Variants in CTNNA3 observed in about 807,000 individuals in gnomAD.
The protein encoded by CTNNA3 is catenin alpha 3, also known as catenin alpha-3.
CTNNA3 carries 76 observed loss-of-function variants against 95.7 expected under a neutral mutation model. The ratio of observed to expected loss-of-function variants is 0.79; its 90% CI spans 0.66 to 0.96. The LOEUF (loss-of-function observed/expected upper bound fraction) is 0.96. Among genes scored for constraint, CTNNA3 ranks in the 40% least tolerant of loss-of-function variants. CTNNA3 has a pLI of 0.00. For synonymous variants in CTNNA3, 431 were observed against 374.4 expected (o/e 1.15, Z -1.74); for missense variants, 1,191 against 1,089.8 (o/e 1.09, Z -1.31).
chr10:67,709,087 A>C (rs1235918512), intron 1 of CTNNA3, among the ~76,000 whole-genome samples: 1 of 152,144 alleles, frequency 6.6e-6, no homozygotes, highest in African/African-American at 2.4e-5. Context: ...GCACAGAATC[A>C]CTATGAATGT....
intron 15 of CTNNA3, among the ~76,000 whole-genome samples, chr10:65,990,068 G>T (rs1449996344): frequency 0.012 from 6 of 498 alleles, no homozygotes; most frequent in East Asian, 0.045. Context: ...GTTTCATTTT[G>T]TGTGTAGTGT....
At chr10:67,552,045 T>G (rs963644504) in intron 3 of CTNNA3, among the ~76,000 whole-genome samples, 1 of 152,198 alleles carries the variant, frequency 6.6e-6, no homozygotes, top group Non-Finnish European at 1.5e-5. Flanking sequence ...CAGTATAGAC[T>G]GAATATTTGA....
intron 7 of CTNNA3, among the ~76,000 whole-genome samples, chr10:66,819,167 G>A (rs919247502): frequency 3.3e-5 from 5 of 151,152 alleles, no homozygotes; most frequent in African/African-American, 1.2e-4. Flanking sequence ...GAATAGACTG[G>A]AGAGTCCAAA....
chr10:65,971,795 T>G (rs943839221), intron 16 of CTNNA3, among the ~76,000 whole-genome samples: 1 of 152,048 alleles, frequency 6.6e-6, no homozygotes, highest in African/African-American at 2.4e-5. Flanking sequence ...GAGAGACTCC[T>G]CTTTAGCTCA....
At chr10:66,828,306 A>C (rs1456800255) in intron 7 of CTNNA3, among the ~76,000 whole-genome samples, 1 of 152,222 alleles carries the variant, frequency 6.6e-6, no homozygotes, top group Non-Finnish European at 1.5e-5. Context: ...AAAAATCAGA[A>C]GCCAGACTAA....
At chr10:66,632,266 G>T (rs181624088) in intron 9 of CTNNA3, among the ~76,000 whole-genome samples, 163 of 151,994 alleles carry the variant, frequency 1.1e-3, no homozygotes, top group African/African-American at 3.6e-3. Flanking sequence ...ATAAAAATGG[G>T]GAATGGGCTG....
At chr10:66,428,801 G>C (rs1039350149) in intron 11 of CTNNA3, among the ~76,000 whole-genome samples, 38 of 151,922 alleles carry the variant, frequency 2.5e-4, no homozygotes, top group Middle Eastern at 3.4e-3. Flanking sequence ...AGAGAAAGCA[G>C]GAAAGATCCA....
In CTNNA3 at chr10:67,180,456, C is replaced by A; in HGVS notation, c.908G>T (p.Arg303Leu). 1 of 1,613,728 alleles carries A rather than the reference C, an allele frequency of 6.2e-7. No homozygotes were observed. The highest frequency in any genetic ancestry group is 8.5e-7 in the Non-Finnish European group (1 of 1,179,852). ...EEEIRPSLEK[R>L]LEAIISGAAL... ...AGCCCCACTGATAATGGCTTCAAGGCGTTTCTCTAGTGATGGTCGTATTTC... is the reference window on the plus strand; with the variant it reads ...AGCCCCACTGATAATGGCTTCAAGGAGTTTCTCTAGTGATGGTCGTATTTC... The change falls in exon 7 of 18, where the codon CGC becomes CTC. Residue 303 changes from arginine to leucine, a missense_variant. Coordinates refer to ENST00000433211, the MANE Select transcript of CTNNA3 (RefSeq NM_013266.4).
intron 1 of CTNNA3, among the ~76,000 whole-genome samples, chr10:67,665,305 T>A (rs989216358): frequency 1.4e-4 from 21 of 152,218 alleles, no homozygotes; most frequent in Non-Finnish European, 2.9e-4. Context: ...CTCGGAAAAG[T>A]AGACATTTAA....
intron 1 of CTNNA3, among the ~76,000 whole-genome samples, chr10:67,654,635 GCAC>G (rs1839970809): frequency 6.6e-6 from 1 of 151,888 alleles, no homozygotes; most frequent in Non-Finnish European, 1.5e-5. Context: ...CCACAGGCGC[GCAC>G]CACCACACCT....
intron 7 of CTNNA3, among the ~76,000 whole-genome samples, chr10:67,111,324 C>A (rs1167759588): frequency 6.6e-6 from 1 of 152,084 alleles, no homozygotes; most frequent in Admixed American, 6.5e-5. Context: ...CAGTGCCAGA[C>A]CTGACAACCA....
At chr10:67,376,769 T>C (rs1843708582) in intron 5 of CTNNA3, among the ~76,000 whole-genome samples, 1 of 152,190 alleles carries the variant, frequency 6.6e-6, no homozygotes, top group Admixed American at 6.5e-5. Flanking sequence ...TGAAAAATCT[T>C]GGAAACCCTC....
intron 6 of CTNNA3, among the ~76,000 whole-genome samples, chr10:67,206,565 A>AAGGAAGAAAAGAGGGAGGG (rs928992490): frequency 3.3e-5 from 5 of 152,184 alleles, no homozygotes; most frequent in Admixed American, 6.5e-5. Context: ...GAAGAAGGGA[A>AAGGAAGAAAAGAGGGAGGG]AGGAAGAAAA....
At chr10:66,950,049 T>C (rs1372189324) in intron 7 of CTNNA3, among the ~76,000 whole-genome samples, 1 of 152,152 alleles carries the variant, frequency 6.6e-6, no homozygotes, top group Non-Finnish European at 1.5e-5. Flanking sequence ...TTAATACCAA[T>C]ATGCTCCAAC....
rs1226146031 is a variant in CTNNA3, at chr10:66,425,901, C to A, written c.1532-46549G>T. Among the ~76,000 whole-genome samples the A allele has an allele frequency of 5.3e-5, 8 of 152,066 alleles. No homozygotes were observed. The South Asian group carries it at 1.7e-3, about 31-fold the overall frequency. ...CTCCTTCGTTCCCCATACAGACCCA[C>A]TGCTCTTTTTCCAAGGATGACCACA... On this transcript the variant is annotated intron_variant, in intron 11 of 17. Transcript: ENST00000433211.
intron 1 of CTNNA3, among the ~76,000 whole-genome samples, chr10:67,691,027 G>C (rs980071119): frequency 6.6e-6 from 1 of 152,188 alleles, no homozygotes; most frequent in Non-Finnish European, 1.5e-5. Context: ...GAGTGCCTGC[G>C]ATTGCAGGCG....
intron 9 of CTNNA3, among the ~76,000 whole-genome samples, chr10:66,741,969 C>A (rs1224665864): frequency 6.6e-6 from 1 of 152,066 alleles, no homozygotes; most frequent in Non-Finnish European, 1.5e-5. Flanking sequence ...GTTTGTAGAG[C>A]ATGTGTGTTT....
intron 7 of CTNNA3, among the ~76,000 whole-genome samples, chr10:66,788,968 C>T (rs189052704): frequency 6.6e-6 from 1 of 152,182 alleles, no homozygotes; most frequent in Admixed American, 6.5e-5. Flanking sequence ...GAGATAGGTA[C>T]TTGATGGATT....
chr10:67,016,029 T>C (rs201688618), intron 7 of CTNNA3, among the ~76,000 whole-genome samples: 1 of 76,338 alleles, frequency 1.3e-5, no homozygotes, highest in Non-Finnish European at 3.8e-5. Flanking sequence ...TGCTGTATAC[T>C]CTCTTCTTTG....
Sources: gnomAD v4.1 joint callset for allele counts (sites outside exome capture counted in the v4.1 genomes callset) on GRCh38, gnomAD v4.1.1 for gene constraint, MANE v1.5 for transcripts, NCBI Gene and HGNC (gene_info 2026-07-23, HGNC 2026-07-21) for gene names.